Variants in ZNF324B observed in about 807,000 individuals in gnomAD.
ZNF324B encodes zinc finger protein 324B.
A neutral mutation model predicts 10.6 loss-of-function variants in ZNF324B; 7 were observed. The observed-to-expected ratio is 0.66, with a 90% CI of 0.38 to 1.24. The LOEUF is 1.24. Among genes scored for constraint, ZNF324B ranks in the 50% most tolerant of loss-of-function variants. The probability of loss-of-function intolerance (pLI) is 0.02; values close to 1 mark genes in which losing one functional copy is unlikely to be tolerated. For synonymous variants in ZNF324B, 316 were observed against 321.0 expected (o/e 0.98, Z 0.17); for missense variants, 640 against 764.7 (o/e 0.84, Z 1.92).
At chr19:58,431,709 C>T in the ZNF324B span, among the ~76,000 whole-genome samples, 3 of 152,018 alleles carry the variant, frequency 2.0e-5, no homozygotes, top group Non-Finnish European at 4.4e-5. Flanking sequence ...AAATAGGTGC[C>T]GGCCAGGTGC....
Position 58,456,012 on chromosome 19 carries a change from C to A in ZNF324B, c.1068C>A (p.Leu356=). Residue 356 remains leucine (L), a synonymous_variant, in exon 4 of 4, where the codon CTC becomes CTA. Coordinates refer to ENST00000336614, the MANE Select transcript of ZNF324B (RefSeq NM_207395.3). The surrounding 1 kb of genome is among the most constrained non-coding windows in gnomAD (Gnocchi z 4.7). The part of the protein sequence containing the change: ...CGKAFSHGSN[L]SQHRKIHAGG... ...AGGCCTTCAGCCACGGCTCCAACCT[C>A]AGCCAGCACCGCAAGATCCACGCGG... is the stretch of plus-strand genomic sequence containing the variant. 5.0e-6 allele frequency: 8 copies of A among 1,598,484 alleles called. No individual in the cohort carries two copies. Among genetic ancestry groups the A allele is most frequent in the Non-Finnish European group, 6.8e-6 (8 of 1,170,930 alleles).
the ZNF324B span, chr19:58,434,479 A>G: frequency 2.2e-5 from 36 of 1,614,084 alleles, no homozygotes; most frequent in Middle Eastern, 1.6e-4. Flanking sequence ...CCCACATGCA[A>G]TGCACTCATA....
chr19:58,431,159 G>A, the ZNF324B span: 4 of 152,236 alleles, frequency 2.6e-5, no homozygotes, highest in Admixed American at 6.5e-5. Context: ...ATGGTCTACT[G>A]TTGGTGAAGG....
chr19:58,427,353 T>TTTCTTTCTTTCTTTCTTTCTTTCTCTTTC, the ZNF324B span, among the ~76,000 whole-genome samples: 1 of 55,974 alleles, frequency 1.8e-5, no homozygotes, highest in East Asian at 7.7e-4. Flanking sequence ...CTCTTTCCTT[T>TTTCTTTCTTTCTTTCTTTCTTTCTCTTTC]CTTTCTTTCT....
the ZNF324B span, among the ~76,000 whole-genome samples, chr19:58,446,407 T>A: frequency 6.6e-6 from 1 of 152,012 alleles, no homozygotes; most frequent in Admixed American, 6.6e-5. Flanking sequence ...TATGGTGACT[T>A]CCCAGTTGCT....
the ZNF324B span, among the ~76,000 whole-genome samples, chr19:58,421,981 A>G: frequency 6.6e-6 from 1 of 152,008 alleles, no homozygotes; most frequent in East Asian, 1.9e-4. Flanking sequence ...GCAGTGGTGC[A>G]ATCTTTTCTC....
intron 1 of ZNF324B, chr19:58,453,358 G>T: frequency 2.7e-6 from 1 of 375,086 alleles, no homozygotes; most frequent in Non-Finnish European, 5.0e-6. Context: ...AAGCAAGAAG[G>T]GCACATCTGG....
chr19:58,424,181 G>A, the ZNF324B span, among the ~76,000 whole-genome samples: 9 of 152,158 alleles, frequency 5.9e-5, no homozygotes, highest in South Asian at 2.1e-4. Context: ...CCCAGGAGGC[G>A]GAGGTTGCAG....
At chr19:58,430,608 T>G in the ZNF324B span, 2 of 152,244 alleles carry the variant, frequency 1.3e-5, no homozygotes, top group African/African-American at 4.8e-5. Flanking sequence ...CCATAGGTAC[T>G]TTATATAGCT....
At chr19:58,454,867 TG>T in intron 3 of ZNF324B, 4 of 544,176 alleles carry the variant, frequency 7.4e-6, no homozygotes. Context: ...GAGTGAGCTA[TG>T]GAAAGGGAGG....
chr19:58,454,134 A>T, intron 2 of ZNF324B, 94 bp from the exon 3 acceptor site: 1 of 827,592 alleles, frequency 1.2e-6, no homozygotes. Context: ...TGCACAGATT[A>T]CTGTCTATTT....
chr19:58,439,817 G>T, the ZNF324B span: 1 of 1,544,148 alleles, frequency 6.5e-7, no homozygotes. Flanking sequence ...GCTGGGCAGG[G>T]CCATAACAGG....
In ZNF324B at chr19:58,456,220, G is replaced by A. The variant is rs1358726574; in HGVS notation, c.1276G>A (p.Ala426Thr). The change falls in exon 4 of 4, where the codon GCC becomes ACC. Residue 426 changes from alanine (A) to threonine (T), a missense_variant. Around this residue, in one of 3 missense-constraint regions of ZNF324B, gnomAD observed 238 missense variants for 258.0 expected, o/e 0.92. Transcript: ENST00000336614. The surrounding 1 kb of genome is among the most constrained non-coding windows in gnomAD (Gnocchi z 4.7). Reference sequence around the variant, plus strand: ...CGTGCACACAGGCGAGAAGCCCTTCGCCTGCGCCCAGTGCGGCCGCTCCTT... The same window carrying A: ...CGTGCACACAGGCGAGAAGCCCTTCACCTGCGCCCAGTGCGGCCGCTCCTT... ...QRVHTGEKPF[A>T]CAQCGRSFSR... The A allele has an allele frequency of 1.9e-6, 3 of 1,613,106 alleles. No individual in the cohort carries two copies. Among genetic ancestry groups the A allele is most frequent in the Admixed American group, 3.3e-5 (2 of 60,010 alleles).
the ZNF324B span, among the ~76,000 whole-genome samples, chr19:58,422,655 G>C: frequency 6.6e-6 from 1 of 152,168 alleles, no homozygotes; most frequent in South Asian, 2.1e-4. Context: ...ATTTATGATA[G>C]TTACCAAAAT....
chr19:58,433,742 C>G, the ZNF324B span: 1 of 1,614,020 alleles, frequency 6.2e-7, no homozygotes, highest in Non-Finnish European at 8.5e-7. Context: ...TAAGGCCTTT[C>G]TTTTGTGTGA....
At chr19:58,450,888 G>A (rs1485469813), upstream of ZNF324B, among the ~76,000 whole-genome samples, 1 of 152,152 alleles carries the variant, frequency 6.6e-6, no homozygotes, top group African/African-American at 2.4e-5. Flanking sequence ...GATTGGTCCA[G>A]AGAAAAAAGG....
Position 58,456,251 on chromosome 19 carries a change from G to T in ZNF324B, c.1307G>T (p.Arg436Leu), listed in dbSNP as rs899985232. Residue 436 changes from arginine (R) to leucine (L), a missense_variant, in exon 4 of 4, where the codon CGC becomes CTC. Arg to Leu is a moderately radical substitution (Grantham distance 102). Around this residue, in one of 3 missense-constraint regions of ZNF324B, gnomAD observed 238 missense variants for 258.0 expected, o/e 0.92. Coordinates refer to ENST00000336614, the MANE Select transcript of ZNF324B (RefSeq NM_207395.3). The surrounding 1 kb of genome is among the most constrained non-coding windows in gnomAD (Gnocchi z 4.7). The stretch of plus-strand genomic sequence containing the variant: ...GCCCAGTGCGGCCGCTCCTTTAGCC[G>T]CAGCTCCAACCTCACCCAGCACCAG... Reference protein sequence around the residue: ...ACAQCGRSFSRSSNLTQHQLL... With the variant: ...ACAQCGRSFSLSSNLTQHQLL... 6.2e-7 allele frequency: 1 copy of T among 1,612,964 alleles called. No individual in the cohort carries two copies. Among genetic ancestry groups the T allele is most frequent in the South Asian group, 1.1e-5 (1 of 91,038 alleles).
At chr19:58,438,472 ATTTTTT>A in the ZNF324B span, among the ~76,000 whole-genome samples, 1,129 of 129,832 alleles carry the variant, frequency 8.7e-3, 20 homozygotes, top group African/African-American at 0.033. Flanking sequence ...TCTAAGGTCA[ATTTTTT>A]TTTTTTTTTT....
the ZNF324B span, chr19:58,445,401 A>G: frequency 1.9e-6 from 1 of 518,732 alleles, no homozygotes; most frequent in African/African-American, 1.9e-5. Context: ...GAGTGCAGCC[A>G]GCATGGGAGA....
Sources: allele counts gnomAD v4.1 joint callset (sites outside exome capture counted in the v4.1 genomes callset), GRCh38; gene constraint gnomAD v4.1.1; regional missense constraint gnomAD v4.1.1; non-coding constraint Gnocchi (gnomAD v3.1); transcripts MANE v1.5; gene names NCBI Gene and HGNC (gene_info 2026-07-23, HGNC 2026-07-21).